Variants in POLR1C observed in about 807,000 individuals in gnomAD.
POLR1C encodes the protein DNA-directed RNA polymerases I and III subunit RPAC1.
In POLR1C, 42 loss-of-function variants were observed where a neutral mutation model predicts 38.3. That is an observed-to-expected ratio of 1.10 (90% CI 0.86 to 1.42). POLR1C has a LOEUF of 1.42. Among genes scored for constraint, POLR1C ranks in the 40% most tolerant of loss-of-function variants. The probability of loss-of-function intolerance (pLI) is 0.00; values close to 1 mark genes in which losing one functional copy is unlikely to be tolerated. For synonymous variants in POLR1C, 163 were observed against 163.9 expected, an observed-to-expected ratio of 0.99 and a Z score of 0.04; for missense variants, 507 against 450.5, an observed-to-expected ratio of 1.13 and a Z score of -1.14.
chr6:43,542,417 A>G (rs917207800), intron 9 of POLR1C, among the ~76,000 whole-genome samples: 1 of 149,566 alleles, frequency 6.7e-6, no homozygotes, highest in East Asian at 2.0e-4. Context: ...TTATTTTTCA[A>G]TTTTTTTTTT....
chr6:43,523,498 C>A (rs559155367), downstream of POLR1C: 209 of 393,222 alleles, frequency 5.3e-4, 1 homozygote, highest in Non-Finnish European at 9.4e-4. Flanking sequence ...TTGCTAGTCG[C>A]AGGGTTGGGC....
chr6:43,541,621 A>G (rs1489572524), intron 9 of POLR1C, among the ~76,000 whole-genome samples: 1 of 143,694 alleles, frequency 7.0e-6, no homozygotes, highest in Non-Finnish European at 1.5e-5. Context: ...GCAATCGCCA[A>G]TGTACTTTCT....
chr6:43,551,741 G>C (rs1216818789), intron 10 of POLR1C, among the ~76,000 whole-genome samples: 1 of 152,122 alleles, frequency 6.6e-6, no homozygotes, highest in Non-Finnish European at 1.5e-5. Context: ...ATGTCGACCA[G>C]GCTGGTCTCA....
chr6:43,519,555 G>C, intron 3 of POLR1C, 115 bp downstream of exon 3: 1 of 1,413,572 alleles, frequency 7.1e-7, no homozygotes, highest in South Asian at 1.2e-5. Flanking sequence ...CTGGAATTTT[G>C]CTGAGCATTT....
chr6:43,542,009 A>C (rs1794721660), intron 9 of POLR1C, among the ~76,000 whole-genome samples: 1 of 152,124 alleles, frequency 6.6e-6, no homozygotes, highest in Non-Finnish European at 1.5e-5. Flanking sequence ...TGAACTCTTG[A>C]CCTCAAGTGA....
chr6:43,518,806 G>C (rs1188852257), intron 2 of POLR1C, among the ~76,000 whole-genome samples: 1 of 152,130 alleles, frequency 6.6e-6, no homozygotes, highest in Admixed American at 6.5e-5. Context: ...TCAGCCTCCC[G>C]AGTAGCTGGG....
At chr6:43,559,772 G>GA in intron 10 of POLR1C, among the ~76,000 whole-genome samples, 1 of 152,236 alleles carries the variant, frequency 6.6e-6, no homozygotes, top group South Asian at 2.1e-4. Context: ...TCCAGTAAAG[G>GA]AATCTTAGTG....
intron 10 of POLR1C, chr6:43,560,413 A>T: frequency 7.5e-7 from 1 of 1,329,612 alleles, no homozygotes; most frequent in Non-Finnish European, 9.9e-7. Context: ...TCTGTACAAT[A>T]CTTTGAAGCT....
At chr6:43,560,409 C>T (rs778808300) in intron 10 of POLR1C, 5 of 1,363,254 alleles carry the variant, frequency 3.7e-6, no homozygotes, top group Non-Finnish European at 4.8e-6. Flanking sequence ...TAAATCTGTA[C>T]AATACTTTGA....
chr6:43,551,543 G>A, intron 10 of POLR1C: 1 of 1,501,254 alleles, frequency 6.7e-7, no homozygotes, highest in South Asian at 1.2e-5. Flanking sequence ...CTTTTAAAGA[G>A]ACAGGGTCTC....
chr6:43,558,687 G>A, intron 10 of POLR1C: 3 of 909,512 alleles, frequency 3.3e-6, no homozygotes, highest in Non-Finnish European at 4.9e-6. Context: ...ATTTATTTAA[G>A]AGTTAAGCGT....
Position 43,551,145 on chromosome 6 carries a change from A to C in POLR1C, c.*48+134A>C, listed in dbSNP as rs562652342. The stretch of plus-strand genomic sequence containing the variant: ...GTTGTGCATGCTTGTAGTCTCAGCT[A>C]CTCAGAAGGGTGAGGTGTGAGGATC... On this transcript the variant is annotated intron_variant, in intron 10 of 10. Coordinates refer to the POLR1C transcript ENST00000607635. 1.2e-4 allele frequency: 83 copies of C among 692,428 alleles called. 1 individual carries two copies. The African/African-American group carries it at 1.3e-3, about 11-fold the overall frequency. 42.9% of individuals were successfully genotyped at this position (692,428 alleles called of 1,614,324 possible).
At position 43,527,256 on chromosome 6, in the gene POLR1C, C is replaced by T. The variant is rs188252559; in HGVS notation, c.923-1993C>T. 147 of 203,514 alleles carry T rather than the reference C, an allele frequency of 7.2e-4. 1 individual carries two copies. Among genetic ancestry groups the T allele is most frequent in the Non-Finnish European group, 1.3e-3 (128 of 98,892 alleles). 12.6% of individuals were successfully genotyped at this position (203,514 alleles called of 1,614,324 possible). On this transcript the variant is annotated intron_variant, in intron 8 of 8. Transcript: ENST00000304004. ...TTCTATCTAGTTATTTCTTTTGGATCTGTCAGTGTTGCTACAAACATGAAC... is the reference window on the plus strand; with the variant it reads ...TTCTATCTAGTTATTTCTTTTGGATTTGTCAGTGTTGCTACAAACATGAAC...
At chr6:43,558,039 G>A (rs1243339303) in intron 10 of POLR1C, among the ~76,000 whole-genome samples, 3 of 151,416 alleles carry the variant, frequency 2.0e-5, no homozygotes, top group Admixed American at 6.6e-5. Context: ...AGGTTGTGGT[G>A]AGCCGAGATC....
At chr6:43,519,200 A>C in intron 2 of POLR1C, 133 bp from the exon 3 acceptor site, 1 of 706,822 alleles carries the variant, frequency 1.4e-6, no homozygotes. Flanking sequence ...AGAATATTTA[A>C]TAAGAGACAT....
chr6:43,547,542 G>T, intron 9 of POLR1C: 1 of 1,477,620 alleles, frequency 6.8e-7, no homozygotes, highest in South Asian at 1.1e-5. Flanking sequence ...TGAGAAACTT[G>T]ACAAAAGACA....
chr6:43,552,332 A>G (rs772757086), intron 10 of POLR1C, among the ~76,000 whole-genome samples: 10 of 151,850 alleles, frequency 6.6e-5, no homozygotes, highest in Non-Finnish European at 1.3e-4. Context: ...CTAGGATTAC[A>G]GGCCTGAGCC....
chr6:43,551,153 G>GGGTGAGGTGTGAGGATCCCT, intron 10 of POLR1C: 2 of 752,888 alleles, frequency 2.7e-6, no homozygotes, highest in Non-Finnish European at 4.0e-6. Flanking sequence ...CTACTCAGAA[G>GGGTGAGGTGTGAGGATCCCT]GGTGAGGTGT....
chr6:43,547,505 C>T (rs1264158173), intron 9 of POLR1C: 14 of 1,035,968 alleles, frequency 1.4e-5, no homozygotes, highest in Non-Finnish European at 2.1e-5. Flanking sequence ...TCCCACGTTT[C>T]TCACCAGTAT....
Sources: gnomAD v4.1 joint callset for allele counts (sites outside exome capture counted in the v4.1 genomes callset) on GRCh38, gnomAD v4.1.1 for gene constraint, MANE v1.5 for transcripts, NCBI Gene and HGNC (gene_info 2026-07-23, HGNC 2026-07-21) for gene names.